XYLT1: variants seen among roughly 807,000 people sequenced by gnomAD.
The protein encoded by XYLT1 is beta-D-xylosyltransferase 1.
In XYLT1, 36 loss-of-function variants were observed where a neutral mutation model predicts 91.3. The observed-to-expected ratio is 0.39, with a 90% CI of 0.30 to 0.52. XYLT1 has a LOEUF of 0.52. XYLT1 is among the 20% of genes least tolerant of loss of function. XYLT1 has a pLI of 0.68. For synonymous variants in XYLT1, 588 were observed against 532.0 expected (o/e 1.11, Z -1.45); for missense variants, 1,242 against 1,284.5 (o/e 0.97, Z 0.51).
chr16:17,148,398 C>T (rs2031193110), intron 6 of XYLT1, among the ~76,000 whole-genome samples: 1 of 152,152 alleles, frequency 6.6e-6, no homozygotes, highest in African/African-American at 2.4e-5. Flanking sequence ...TGTCTATTTC[C>T]ACTCACTAGA....
chr16:17,304,593 C>T (rs2034445014), intron 2 of XYLT1, among the ~76,000 whole-genome samples: 1 of 152,190 alleles, frequency 6.6e-6, no homozygotes. Flanking sequence ...GGCCCTCAAC[C>T]TGCTGTAAGC....
At chr16:17,150,804 TAAAG>T (rs2031263767) in intron 6 of XYLT1, among the ~76,000 whole-genome samples, 1 of 151,914 alleles carries the variant, frequency 6.6e-6, no homozygotes, top group Non-Finnish European at 1.5e-5. Flanking sequence ...TGATAGAAAA[TAAAG>T]AGACAGGGAC....
chr16:17,285,931 TGA>T (rs1478567533), intron 2 of XYLT1, among the ~76,000 whole-genome samples: 12 of 67,292 alleles, frequency 1.8e-4, no homozygotes, highest in Non-Finnish European at 3.3e-4. Context: ...CATGTGTGTG[TGA>T]GTGAGTGAGA....
chr16:17,310,243 C>T (rs997809037), intron 2 of XYLT1, among the ~76,000 whole-genome samples: 5 of 152,178 alleles, frequency 3.3e-5, no homozygotes, highest in African/African-American at 1.2e-4. Flanking sequence ...TCACTCACAC[C>T]AGGACCTTTG....
At chr16:17,198,015 C>T (rs1043660992) in intron 5 of XYLT1, 197 bp downstream of exon 5, 57 of 641,922 alleles carry the variant, frequency 8.9e-5, no homozygotes, top group East Asian at 1.7e-4. Context: ...GGGAAAACCA[C>T]GTGCTCAGTC....
intron 3 of XYLT1, among the ~76,000 whole-genome samples, chr16:17,224,923 A>C (rs1011300892): frequency 3.9e-5 from 6 of 152,198 alleles, no homozygotes; most frequent in African/African-American, 1.4e-4. Context: ...CTGCCACTGT[A>C]GAGAGAAGGC....
intron 1 of XYLT1, among the ~76,000 whole-genome samples, chr16:17,359,541 T>A (rs1299728517): frequency 6.6e-6 from 1 of 152,164 alleles, no homozygotes; most frequent in East Asian, 1.9e-4. Context: ...CAACTCCAAT[T>A]CTGAGTCCAA....
chr16:17,120,214 C>T (rs939824256), intron 10 of XYLT1, among the ~76,000 whole-genome samples: 1 of 152,212 alleles, frequency 6.6e-6, no homozygotes, highest in South Asian at 2.1e-4. Context: ...GAATGATCAA[C>T]AGGATTCAGT....
At chr16:17,278,457 T>G (rs1387307148) in intron 2 of XYLT1, among the ~76,000 whole-genome samples, 1 of 152,154 alleles carries the variant, frequency 6.6e-6, no homozygotes, top group Non-Finnish European at 1.5e-5. Flanking sequence ...GGTATTCCCA[T>G]TAAGGCTTTT....
intron 8 of XYLT1, among the ~76,000 whole-genome samples, chr16:17,136,628 A>C (rs2030731924): frequency 6.6e-6 from 1 of 152,206 alleles, no homozygotes; most frequent in Non-Finnish European, 1.5e-5. Context: ...CTAGGGGCAG[A>C]ACAAACTCCT....
At position 17,127,833 on chromosome 16, in the gene XYLT1, C is replaced by A; in HGVS notation, c.2056G>T (p.Val686Leu). Residue 686 changes from valine to leucine, a missense_variant, in exon 10 of 12, where the codon GTG (valine) becomes TTG (leucine). Transcript: ENST00000261381. ...CGGTCAGCAAGGAAGTAGAGGTGCA[C>A]AGATGCTGGGTGGCCCATTGGGTAG... ...RYYPMGHPAS[V>L]HLYFLADRFQ... 6.2e-7 allele frequency: 1 copy of A among 1,614,034 alleles called. No homozygotes were observed. The highest frequency in any genetic ancestry group is 8.5e-7 in the Non-Finnish European group (1 of 1,179,986).
At chr16:17,391,182 T>C (rs2035815007) in intron 1 of XYLT1, among the ~76,000 whole-genome samples, 1 of 152,212 alleles carries the variant, frequency 6.6e-6, no homozygotes, top group Non-Finnish European at 1.5e-5. Context: ...AACCTAAGAT[T>C]GGCCTTTTGA....
chr16:17,293,848 T>G (rs1031340185), intron 2 of XYLT1, among the ~76,000 whole-genome samples: 3 of 152,166 alleles, frequency 2.0e-5, no homozygotes, highest in Admixed American at 6.5e-5. Flanking sequence ...GAAAGGTCAT[T>G]GCCCAGCAGT....
chr16:17,396,245 G>A (rs574935871), intron 1 of XYLT1, among the ~76,000 whole-genome samples: 1 of 152,310 alleles, frequency 6.6e-6, no homozygotes, highest in East Asian at 1.9e-4. Flanking sequence ...GCCAGTCCCT[G>A]TGCTGGGCAT....
intron 6 of XYLT1, among the ~76,000 whole-genome samples, chr16:17,155,347 GA>G (rs1169714876): frequency 6.6e-6 from 1 of 151,092 alleles, no homozygotes; most frequent in African/African-American, 2.4e-5. Flanking sequence ...AACTAATAGA[GA>G]GTCTGGGCCT....
At chr16:17,309,636 C>T (rs977884427) in intron 2 of XYLT1, among the ~76,000 whole-genome samples, 2 of 152,160 alleles carry the variant, frequency 1.3e-5, no homozygotes, top group Admixed American at 6.5e-5. Flanking sequence ...ATTTTTCCAG[C>T]GCTGCAGATT....
At chr16:17,359,961 C>G (rs1485562742) in intron 1 of XYLT1, among the ~76,000 whole-genome samples, 1 of 152,176 alleles carries the variant, frequency 6.6e-6, no homozygotes, top group Non-Finnish European at 1.5e-5. Flanking sequence ...TCCTCCTGGT[C>G]TGTGGGTGGC....
intron 5 of XYLT1, among the ~76,000 whole-genome samples, chr16:17,169,403 G>A (rs75171904): frequency 7.0e-4 from 107 of 152,258 alleles, no homozygotes; most frequent in African/African-American, 2.2e-3. Context: ...TGAATGGACC[G>A]GCAAACCATT....
chr16:17,314,060 A>T (rs2141823983), intron 2 of XYLT1, among the ~76,000 whole-genome samples: 1 of 152,324 alleles, frequency 6.6e-6, no homozygotes, highest in African/African-American at 2.4e-5. Context: ...ATTAGAACTC[A>T]ATTGTTTTAA....
Sources: gnomAD v4.1 joint callset for allele counts (sites outside exome capture counted in the v4.1 genomes callset) on GRCh38, gnomAD v4.1.1 for gene constraint, MANE v1.5 for transcripts, NCBI Gene and HGNC (gene_info 2026-07-23, HGNC 2026-07-21) for gene names.